AP2A1: variants seen among roughly 807,000 people sequenced by gnomAD.
AP2A1 encodes the protein adaptor related protein complex 2 subunit alpha 1.
AP2A1 carries 21 observed loss-of-function variants against 107.3 expected under a neutral mutation model. That is an observed-to-expected ratio of 0.20 (90% confidence interval 0.14 to 0.28). The LOEUF (loss-of-function observed/expected upper bound fraction) is 0.28. Ranked by LOEUF, AP2A1 falls within the 10% of genes least tolerant of loss-of-function variation. The pLI is 1.00. For missense variants in AP2A1, 873 were observed against 1,307.7 expected (o/e 0.67, Z 5.13); for synonymous variants, 602 against 564.8 (o/e 1.07, Z -0.93).
chr19:49,805,449 G>A lies in AP2A1; in HGVS notation c.2345-4G>A. ...GTCTGGCTTCCTTGACTCCTGGCGG[G>A]CACAGCTGGCTGTGCAGACCAAGCG... is the stretch of plus-strand genomic sequence containing the variant. On this transcript the variant is annotated splice_region_variant and splice_polypyrimidine_tract_variant and intron_variant, in intron 18 of 22. Transcript: ENST00000354293. 2 of 1,532,656 alleles carry A rather than the reference G, an allele frequency of 1.3e-6. No homozygotes were observed. Among genetic ancestry groups the A allele is most frequent in the South Asian group, 1.2e-5 (1 of 83,284 alleles). The allele number at this position is 1,532,656 out of a possible 1,614,324, so 94.9% of individuals were successfully genotyped here.
intron 15 of AP2A1, chr19:49,802,441 CTCTG>C (rs1568588279): frequency 3.2e-6 from 4 of 1,255,558 alleles, no homozygotes; most frequent in Admixed American, 1.9e-5. Flanking sequence ...GTCCCTCCCT[CTCTG>C]TCTCTCTTCT....
At position 49,803,120 on chromosome 19, in the gene AP2A1, A is replaced by G. The variant is rs771395532; in HGVS notation, c.2185A>G (p.Asn729Asp). The G allele has an allele frequency of 6.2e-7, 1 of 1,613,974 alleles. No homozygotes were observed. Among genetic ancestry groups the G allele is most frequent in the Non-Finnish European group, 8.5e-7 (1 of 1,179,886 alleles). The stretch of plus-strand genomic sequence containing the variant: ...CTGCCCCCTCAGGTTTGTGTGTAAG[A>G]ACAACGGGGTCCTGTTCGAGAACCA... ...DELLNKFVCK[N>D]NGVLFENQLL... The change falls in exon 17 of 23, where the codon AAC (asparagine) becomes GAC (aspartate). Residue 729 changes from asparagine to aspartate, a missense_variant. This residue lies in a region of AP2A1 where 416 missense variants were observed against 473.4 expected (regional missense o/e 0.88). Coordinates refer to ENST00000354293, the MANE Select transcript of AP2A1 (RefSeq NM_130787.3).
At chr19:49,789,590 C>CTTTTT (rs34385512) in intron 4 of AP2A1, among the ~76,000 whole-genome samples, 3 of 107,654 alleles carry the variant, frequency 2.8e-5, no homozygotes, top group Admixed American at 9.6e-5. Context: ...TGCGCCTGGC[C>CTTTTT]TTTTTTTTTT....
At position 49,785,029 on chromosome 19, in the gene AP2A1, C is replaced by T. The variant is rs1276739792; in HGVS notation, c.473+2305C>T. Among the ~76,000 whole-genome samples the T allele has an allele frequency of 2.0e-5, 3 of 152,068 alleles. No homozygotes were observed. Among genetic ancestry groups the T allele is most frequent in the Non-Finnish European group, 4.4e-5 (3 of 68,028 alleles). ...AAAATGCAGCCCAAAGAAGACAAAG[C>T]GATGGGGATTTTAGGAAAGAGACAA... is the stretch of plus-strand genomic sequence containing the variant. On this transcript the variant is annotated intron_variant, in intron 4 of 22. Transcript: ENST00000354293. This position sits in a 1 kb window ranked among gnomAD's most constrained non-coding sequence, Gnocchi z 4.1.
chr19:49,770,462 T>C (rs1193492120), intron 1 of AP2A1, among the ~76,000 whole-genome samples: 3 of 152,142 alleles, frequency 2.0e-5, no homozygotes, highest in Non-Finnish European at 2.9e-5. Flanking sequence ...TCCATGAAGC[T>C]CCCAGCCCTG....
chr19:49,776,212 G>A (rs1404910930), intron 1 of AP2A1, among the ~76,000 whole-genome samples: 2 of 149,616 alleles, frequency 1.3e-5, no homozygotes, highest in Non-Finnish European at 3.0e-5. Flanking sequence ...GCCGCCGCCC[G>A]CATCCTCAGA....
intron 4 of AP2A1, among the ~76,000 whole-genome samples, chr19:49,783,081 C>T (rs12610882): frequency 0.13 from 19,266 of 152,222 alleles, 1,412 homozygotes; most frequent in East Asian, 0.23. Context: ...ATACTATGTG[C>T]CAGGCACTGT....
intron 6 of AP2A1, among the ~76,000 whole-genome samples, chr19:49,793,598 C>A (rs1348166451): frequency 6.6e-6 from 1 of 152,164 alleles, no homozygotes; most frequent in African/African-American, 2.4e-5. Context: ...CGGGTGACAC[C>A]AGGGACACAG....
chr19:49,794,618 T>C (rs1180664218), intron 6 of AP2A1, among the ~76,000 whole-genome samples: 2 of 152,144 alleles, frequency 1.3e-5, no homozygotes, highest in Non-Finnish European at 2.9e-5. Context: ...GAGAAGGGCT[T>C]TTCAAGGTTG....
In AP2A1 at chr19:49,767,103, G is replaced by A. The variant is rs1349934864; in HGVS notation, c.-31G>A. ...GCCCCCGCTGCTCTGTGCCCTGTCCGGCCAGGCCTGGAGCCGACACCACCG... is the reference window on the plus strand; with the variant it reads ...GCCCCCGCTGCTCTGTGCCCTGTCCAGCCAGGCCTGGAGCCGACACCACCG... On this transcript the variant is annotated 5_prime_UTR_variant, in exon 1 of 23. Transcript: ENST00000354293. 6.2e-7 allele frequency: 1 copy of A among 1,608,396 alleles called. No homozygotes were observed.
At chr19:49,798,475 G>A (rs137999045) in intron 7 of AP2A1, among the ~76,000 whole-genome samples, 232 of 152,320 alleles carry the variant, frequency 1.5e-3, no homozygotes, top group African/African-American at 5.0e-3. Context: ...TTTGCTCTGT[G>A]AGAAACCTAA....
At position 49,800,992 on chromosome 19, in the gene AP2A1, T is replaced by C; in HGVS notation, c.1487T>C (p.Met496Thr). 2 of 1,605,652 alleles carry C rather than the reference T, an allele frequency of 1.2e-6. No individual in the cohort carries two copies. Among genetic ancestry groups the C allele is most frequent in the Non-Finnish European group, 1.7e-6 (2 of 1,176,360 alleles). Residue 496 changes from methionine (M) to threonine (T), a missense_variant, in exon 12 of 23, where the codon ATG (methionine) becomes ACG (threonine). Around this residue, in one of 4 missense-constraint regions of AP2A1, gnomAD observed 213 missense variants for 443.5 expected, o/e 0.48. Transcript: ENST00000354293. Reference protein sequence around the residue: ...ALQAPACHENMVKVGGYILGE... With the variant: ...ALQAPACHENTVKVGGYILGE... ...CAGGCCCCTGCCTGTCACGAGAACA[T>C]GGTGAAGGTTGGCGGCTACATCCTT...
In AP2A1 at chr19:49,782,696, G is replaced by T; in HGVS notation, c.445G>T (p.Ala149Ser). Reference sequence around the variant, plus strand: ...CCGGGAGATGGGCGAGGCCTTTGCCGCTGACATCCCCCGCATCCTGGTGGC... The same window carrying T: ...CCGGGAGATGGGCGAGGCCTTTGCCTCTGACATCCCCCGCATCCTGGTGGC... ...GSREMGEAFA[A>S]DIPRILVAGD... is the part of the protein sequence containing the mutation. Residue 149 changes from alanine (A) to serine (S), a missense_variant, in exon 4 of 23, where the codon GCT (alanine) becomes TCT (serine). Ala to Ser is a moderately conservative substitution (Grantham distance 99). This residue lies in a region of AP2A1 where 157 missense variants were observed against 212.6 expected (regional missense o/e 0.74). Coordinates refer to ENST00000354293, the MANE Select transcript of AP2A1 (RefSeq NM_130787.3). 6.2e-7 allele frequency: 1 copy of T among 1,607,784 alleles called. No homozygotes were observed.
At chr19:49,795,496 A>C in intron 6 of AP2A1, 134 bp from the exon 7 acceptor site, 1 of 651,926 alleles carries the variant, frequency 1.5e-6, no homozygotes. Flanking sequence ...GTCTCTACAA[A>C]AAAAACCCAC....
intron 4 of AP2A1, 36 bp from the exon 5 acceptor site, chr19:49,791,899 A>G: frequency 6.4e-7 from 1 of 1,571,536 alleles, no homozygotes; most frequent in Non-Finnish European, 8.6e-7. Flanking sequence ...GGGGTCACTG[A>G]CTCTGCTTCC....
chr19:49,777,634 C>CAA (rs750227185), intron 1 of AP2A1, among the ~76,000 whole-genome samples: 13,617 of 95,616 alleles, frequency 0.14, 781 homozygotes, highest in East Asian at 0.24. Context: ...GACTCCATCA[C>CAA]AAAAAAAAAA....
intron 1 of AP2A1, among the ~76,000 whole-genome samples, 189 bp downstream of exon 1, chr19:49,767,389 C>G (rs1025906359): frequency 4.6e-5 from 7 of 151,894 alleles, no homozygotes; most frequent in Admixed American, 4.6e-4. Context: ...TAGAGTGCCT[C>G]TTGAGGTGAC....
chr19:49,770,226 G>T (rs2084543105), intron 1 of AP2A1, among the ~76,000 whole-genome samples: 2 of 152,150 alleles, frequency 1.3e-5, no homozygotes, highest in Non-Finnish European at 2.9e-5. Context: ...GATGATGGGG[G>T]TTGGGGAAGG....
chr19:49,777,459 C>G (rs1048668019), intron 1 of AP2A1, among the ~76,000 whole-genome samples: 1 of 148,340 alleles, frequency 6.7e-6, no homozygotes, highest in Non-Finnish European at 1.5e-5. Flanking sequence ...CATGGTGAAA[C>G]CCCATCTCTA....
Sources: allele counts gnomAD v4.1 joint callset (sites outside exome capture counted in the v4.1 genomes callset), GRCh38; gene constraint gnomAD v4.1.1; regional missense constraint gnomAD v4.1.1; non-coding constraint Gnocchi (gnomAD v3.1); transcripts MANE v1.5; gene names NCBI Gene and HGNC (gene_info 2026-07-23, HGNC 2026-07-21).